CYP1B1: variants seen among roughly 807,000 people sequenced by gnomAD.
The protein encoded by CYP1B1 is cytochrome P450 family 1 subfamily B member 1.
Under a neutral mutation model 29.9 loss-of-function variants are expected in CYP1B1, and 22 were observed. That is an observed-to-expected ratio of 0.74 (90% confidence interval 0.53 to 1.05). CYP1B1 has a LOEUF of 1.05. Ranked by LOEUF, CYP1B1 falls within the 50% of genes least tolerant of loss-of-function variation. CYP1B1 has a pLI of 0.00. For synonymous variants in CYP1B1, 375 were observed against 320.0 expected, an observed-to-expected ratio of 1.17 and a Z score of -1.83; for missense variants, 883 against 746.9, an observed-to-expected ratio of 1.18 and a Z score of -2.12.
chr2:38,069,475 T>G lies in CYP1B1; in HGVS notation c.*1247A>C, dbSNP rs962479508. ...TCAATAATCAGAATGGCTTTAAAAT[T>G]TAGTTAAAATTTAAGCATGCCATGA... On this transcript the variant is annotated 3_prime_UTR_variant, in exon 3 of 3. Transcript: ENST00000610745. 9.9e-5 allele frequency: 20 copies of G among 202,904 alleles called. No homozygotes were observed. Among genetic ancestry groups the G allele is most frequent in the African/African-American group, 4.3e-4 (19 of 43,802 alleles). 12.6% of individuals were successfully genotyped at this position (202,904 alleles called of 1,614,324 possible).
rs1311818576 is a variant in CYP1B1 at position 38,074,474 on chromosome 2, G to C, written c.915C>G (p.Ala305=). ...GCGCGCCACCACCGTGCGAGTCCCC[G>C]GCCGCCTTCTTTTCCGCAGAGAGGA... is the stretch of plus-strand genomic sequence containing the variant. The part of the protein sequence containing the change: ...AFILSAEKKA[A]GDSHGGGARL... The change falls in exon 2 of 3, where the codon GCC becomes GCG. Residue 305 remains alanine, a synonymous_variant. Coordinates refer to ENST00000610745, the MANE Select transcript of CYP1B1 (RefSeq NM_000104.4). 5.0e-6 allele frequency: 8 copies of C among 1,612,548 alleles called. No individual in the cohort carries two copies. Among genetic ancestry groups the C allele is most frequent in the Admixed American group, 1.7e-5 (1 of 59,830 alleles).
rs376239758 is a variant in CYP1B1 at position 38,075,406 on chromosome 2, G to A, written c.-1-17C>T. On this transcript the variant is annotated splice_polypyrimidine_tract_variant and intron_variant, in intron 1 of 2. Coordinates refer to ENST00000610745, the MANE Select transcript of CYP1B1 (RefSeq NM_000104.4). ...GTGCCCATGCTGGGGACAGAGAGGAGAAGGCGTGACACTCAGGGGTGCAGA... is the reference window on the plus strand; with the variant it reads ...GTGCCCATGCTGGGGACAGAGAGGAAAAGGCGTGACACTCAGGGGTGCAGA... 3.1e-6 allele frequency: 5 copies of A among 1,609,658 alleles called. No individual in the cohort carries two copies. In the East Asian group the frequency reaches 6.7e-5, roughly 22 times the overall value.
rs1682424054 is a variant in CYP1B1, at chr2:38,071,102, T to C, written c.1252A>G (p.Thr418Ala). The C allele has an allele frequency of 1.9e-6, 3 of 1,612,516 alleles. No homozygotes were observed. Among genetic ancestry groups the C allele is most frequent in the Non-Finnish European group, 8.5e-7 (1 of 1,178,604 alleles). ...SVLGYHIPKD[T>A]VVFVNQWSVN... ...GACCACTGGTTGACAAAAACCACAG[T>C]GTCCTTGGGAATGTGGTAGCCCAAG... The change falls in exon 3 of 3, where the codon ACT becomes GCT. Residue 418 changes from threonine to alanine, a missense_variant. Coordinates refer to ENST00000610745, the MANE Select transcript of CYP1B1 (RefSeq NM_000104.4).
Position 38,068,552 on chromosome 2 carries a change from A to G in CYP1B1, c.*2170T>C. On this transcript the variant is annotated 3_prime_UTR_variant, in exon 3 of 3. Coordinates refer to ENST00000610745, the MANE Select transcript of CYP1B1 (RefSeq NM_000104.4). ...TTCACTGTCTCAGCCTTGGTGGGGC[A>G]TAATATTTTGGAATGGCAAGTGCCA... 1 of 227,314 alleles carries G rather than the reference A, an allele frequency of 4.4e-6. No homozygotes were observed. Among genetic ancestry groups the G allele is most frequent in the Non-Finnish European group, 8.8e-6 (1 of 114,016 alleles). 14.1% of individuals were successfully genotyped at this position (227,314 alleles called of 1,614,324 possible). A position where few individuals can be genotyped will look rare whatever the true frequency, so the allele number is the denominator to read the frequency against.
rs1352006290 is a variant in CYP1B1, at chr2:38,068,774, A to G, written c.*1948T>C. ...TTTTTTAATAGCCTATTTGAGATTT[A>G]ACTCTGCTACGCCAAACATCTTTCT... On this transcript the variant is annotated 3_prime_UTR_variant, in exon 3 of 3. Transcript: ENST00000610745. The G allele has an allele frequency of 8.9e-6, 2 of 224,624 alleles. No individual in the cohort carries two copies. Among genetic ancestry groups the G allele is most frequent in the African/African-American group, 4.5e-5 (2 of 44,900 alleles). 13.9% of individuals were successfully genotyped at this position (224,624 alleles called of 1,614,324 possible). A position where few individuals can be genotyped will look rare whatever the true frequency, so the allele number is the denominator to read the frequency against.
At chr2:38,075,463 A>T (rs1352846608) in intron 1 of CYP1B1, 74 bp from the exon 2 acceptor site, 3 of 1,488,756 alleles carry the variant, frequency 2.0e-6, no homozygotes, top group Non-Finnish European at 2.8e-6. Flanking sequence ...CCCCTACCCC[A>T]GCCTCTGGGG....
At position 38,068,754 on chromosome 2, in the gene CYP1B1, T is replaced by A; in HGVS notation, c.*1968A>T. On this transcript the variant is annotated 3_prime_UTR_variant, in exon 3 of 3. Coordinates refer to ENST00000610745, the MANE Select transcript of CYP1B1 (RefSeq NM_000104.4). The stretch of plus-strand genomic sequence containing the variant: ...AGATCTGCTATGTTGTAGACTTTTT[T>A]AATAGCCTATTTGAGATTTAACTCT... 1 of 224,412 alleles carries A rather than the reference T, an allele frequency of 4.5e-6. No homozygotes were observed. Among genetic ancestry groups the A allele is most frequent in the Non-Finnish European group, 8.9e-6 (1 of 112,170 alleles). 13.9% of individuals were successfully genotyped at this position (224,412 alleles called of 1,614,324 possible).
chr2:38,071,236 C>A lies in CYP1B1; in HGVS notation c.1118G>T (p.Gly373Val), dbSNP rs1330269956. ...VVGRDRLPCM[G>V]DQPNLPYVLA... The stretch of plus-strand genomic sequence containing the variant: ...GACATAGGGCAGGTTGGGCTGGTCA[C>A]CCATACAAGGCAGACGGTCCCTCCC... The change falls in exon 3 of 3, where the codon GGT (glycine) becomes GTT (valine). Residue 373 changes from glycine (G) to valine (V), a missense_variant. Transcript: ENST00000610745. 1.2e-5 allele frequency: 20 copies of A among 1,613,190 alleles called. No individual in the cohort carries two copies. Among genetic ancestry groups the A allele is most frequent in the Non-Finnish European group, 1.6e-5 (19 of 1,180,054 alleles).
At position 38,068,373 on chromosome 2, in the gene CYP1B1, C is replaced by T. The variant is rs9341268; in HGVS notation, c.*2349G>A. ...CATATAAACACAGCTTTCCTTTTGCCGCAAGCATCTGATGACGACTGGGCC... is the reference window on the plus strand; with the variant it reads ...CATATAAACACAGCTTTCCTTTTGCTGCAAGCATCTGATGACGACTGGGCC... On this transcript the variant is annotated 3_prime_UTR_variant, in exon 3 of 3. Transcript: ENST00000610745. 418 of 227,582 alleles carry T rather than the reference C, an allele frequency of 1.8e-3. 1 individual carries two copies. The highest frequency in any genetic ancestry group is 8.4e-3 in the African/African-American group (379 of 45,070). The allele number at this position is 227,582 out of a possible 1,614,324, so 14.1% of individuals were successfully genotyped here. A position where few individuals can be genotyped will look rare whatever the true frequency, so the allele number is the denominator to read the frequency against.
chr2:38,070,727 G>A lies in CYP1B1; in HGVS notation c.1627C>T (p.Gln543Ter). The A allele has an allele frequency of 6.2e-7, 1 of 1,613,824 alleles. No individual in the cohort carries two copies. The highest frequency in any genetic ancestry group is 8.5e-7 in the Non-Finnish European group (1 of 1,179,698). Residue 543 changes from glutamine (Q) to a stop codon, truncating the protein, a stop_gained, in exon 3 of 3, where the codon CAA (glutamine) becomes TAA (stop). Coordinates refer to ENST00000610745, the MANE Select transcript of CYP1B1 (RefSeq NM_000104.4). LOFTEE classifies it high-confidence loss of function. ...TTCAGCTTGCCTCTTGCTTCTTATT[G>A]GCAAGTTTCCTTGGCTTGTAAATTT... ...VQNLQAKETC[Q>*]
In CYP1B1 at chr2:38,067,672, T is replaced by A; in HGVS notation, c.*3050A>T. ...AGTATAAGTAATGAGATACAATTTT[T>A]TTTTAATTTGGTATATCAAACAGTA... On this transcript the variant is annotated 3_prime_UTR_variant, in exon 3 of 3. Transcript: ENST00000610745. The A allele has an allele frequency of 5.6e-6, 1 of 179,226 alleles. No individual in the cohort carries two copies. The highest frequency in any genetic ancestry group is 1.2e-5 in the Non-Finnish European group (1 of 83,524). 11.1% of individuals were successfully genotyped at this position (179,226 alleles called of 1,614,324 possible).
Position 38,069,738 on chromosome 2 carries a change from TC to T in CYP1B1, c.*983del, listed in dbSNP as rs1682389281. ...TTGCGTTAGTTGTACTTTTCAATTT[TC>T]AATATTATACAAGGCATATATTATT... On this transcript the variant is annotated 3_prime_UTR_variant, in exon 3 of 3. Coordinates refer to ENST00000610745, the MANE Select transcript of CYP1B1 (RefSeq NM_000104.4). 5.0e-6 allele frequency: 1 copy of T among 200,180 alleles called. No individual in the cohort carries two copies. The highest frequency in any genetic ancestry group is 1.0e-5 in the Non-Finnish European group (1 of 97,200). 12.4% of individuals were successfully genotyped at this position (200,180 alleles called of 1,614,324 possible). A position where few individuals can be genotyped will look rare whatever the true frequency, so the allele number is the denominator to read the frequency against.
At position 38,074,803 on chromosome 2, in the gene CYP1B1, G is replaced by A; in HGVS notation, c.586C>T (p.Leu196=). Residue 196 remains leucine, a synonymous_variant, in exon 2 of 3, where the codon CTG becomes TTG. Coordinates refer to ENST00000610745, the MANE Select transcript of CYP1B1 (RefSeq NM_000104.4). The stretch of plus-strand genomic sequence containing the variant: ...ACGTTGGCCACGGCCACGACGGTCA[G>A]CGGCCTCGGGTCGAGGAAGGCGCCG... The part of the protein sequence containing the change: ...ADGAFLDPRP[L]TVVAVANVMS... 10 of 1,580,176 alleles carry A rather than the reference G, an allele frequency of 6.3e-6. No homozygotes were observed. The highest frequency in any genetic ancestry group is 8.6e-6 in the Non-Finnish European group (10 of 1,163,422).
At chr2:38,075,494 G>C (rs1682521991) in intron 1 of CYP1B1, 105 bp from the exon 2 acceptor site, 1 of 1,176,868 alleles carries the variant, frequency 8.5e-7, no homozygotes, top group East Asian at 2.4e-5. Context: ...GTTGGGTGGA[G>C]AGGTCGGAGC....
At chr2:38,074,202 C>A in intron 2 of CYP1B1, 144 bp downstream of exon 2, 1 of 924,288 alleles carries the variant, frequency 1.1e-6, no homozygotes, top group Non-Finnish European at 1.7e-6. Flanking sequence ...AGTCCCTTTA[C>A]CGACGCGATC....
Position 38,067,676 on chromosome 2 carries a change from T to G in CYP1B1, c.*3046A>C, listed in dbSNP as rs1389773386. ...TAAGTAATGAGATACAATTTTTTTT[T>G]AATTTGGTATATCAAACAGTAAAGG... is the stretch of plus-strand genomic sequence containing the variant. On this transcript the variant is annotated 3_prime_UTR_variant, in exon 3 of 3. Coordinates refer to ENST00000610745, the MANE Select transcript of CYP1B1 (RefSeq NM_000104.4). 2 of 179,264 alleles carry G rather than the reference T, an allele frequency of 1.1e-5. No homozygotes were observed. The highest frequency in any genetic ancestry group is 4.7e-5 in the African/African-American group (2 of 42,366). The allele number at this position is 179,264 out of a possible 1,614,324, so 11.1% of individuals were successfully genotyped here.
Position 38,074,572 on chromosome 2 carries a change from G to A in CYP1B1, c.817C>T (p.Leu273=), listed in dbSNP as rs377118708. The part of the protein sequence containing the change: ...QLNRNFSNFI[L]DKFLRHCESL... ...TCGCAGTGCCTCAAGAACTTGTCCA[G>A]GATGAAGTTGCTGAAGTTGCGGTTG... is the stretch of plus-strand genomic sequence containing the variant. The change falls in exon 2 of 3, where the codon CTG becomes TTG. Residue 273 remains leucine, a synonymous_variant. Coordinates refer to ENST00000610745, the MANE Select transcript of CYP1B1 (RefSeq NM_000104.4). 6.2e-7 allele frequency: 1 copy of A among 1,611,116 alleles called. No homozygotes were observed. Among genetic ancestry groups the A allele is most frequent in the Non-Finnish European group, 8.5e-7 (1 of 1,178,872 alleles).
At position 38,071,218 on chromosome 2, in the gene CYP1B1, G is replaced by A. The variant is rs56305281; in HGVS notation, c.1136C>T (p.Pro379Leu). 6.2e-7 allele frequency: 1 copy of A among 1,613,296 alleles called. No individual in the cohort carries two copies. Residue 379 changes from proline to leucine, a missense_variant, in exon 3 of 3, where the codon CCC becomes CTC. By Grantham distance (98) the Pro-to-Leu change is moderately conservative. Coordinates refer to ENST00000610745, the MANE Select transcript of CYP1B1 (RefSeq NM_000104.4). ...LPCMGDQPNL[P>L]YVLAFLYEAM... Reference sequence around the variant, plus strand: ...TTCATAAAGGAAGGCCAGGACATAGGGCAGGTTGGGCTGGTCACCCATACA... The same window carrying A: ...TTCATAAAGGAAGGCCAGGACATAGAGCAGGTTGGGCTGGTCACCCATACA...
In CYP1B1 at chr2:38,067,648, G is replaced by A. The variant is rs1169534991; in HGVS notation, c.*3074C>T. 5.6e-6 allele frequency: 1 copy of A among 177,572 alleles called. No individual in the cohort carries two copies. The highest frequency in any genetic ancestry group is 2.4e-5 in the African/African-American group (1 of 42,268). The allele number at this position is 177,572 out of a possible 1,614,324, so 11.0% of individuals were successfully genotyped here. A position where few individuals can be genotyped will look rare whatever the true frequency, so the allele number is the denominator to read the frequency against. On this transcript the variant is annotated 3_prime_UTR_variant, in exon 3 of 3. Coordinates refer to ENST00000610745, the MANE Select transcript of CYP1B1 (RefSeq NM_000104.4). ...TTATTATTTTGGTAATGGTGTCCCA[G>A]TATAAGTAATGAGATACAATTTTTT... is the stretch of plus-strand genomic sequence containing the variant.
Sources: allele counts gnomAD v4.1 joint callset, GRCh38; gene constraint gnomAD v4.1.1; transcripts MANE v1.5; gene names NCBI Gene and HGNC (gene_info 2026-07-23, HGNC 2026-07-21).